USP24: variants seen among roughly 807,000 people sequenced by gnomAD.
The protein encoded by USP24 is ubiquitin carboxyl-terminal hydrolase 24.
Under a neutral mutation model 361.6 loss-of-function variants are expected in USP24, and 97 were observed. The ratio of observed to expected loss-of-function variants is 0.27; its 90% confidence interval spans 0.23 to 0.32. USP24 has a LOEUF of 0.32. Among genes scored for constraint, USP24 ranks in the 10% least tolerant of loss-of-function variants. The probability of loss-of-function intolerance (pLI) is 1.00; values close to 1 mark genes in which losing one functional copy is unlikely to be tolerated. For synonymous variants in USP24, 1,098 were observed against 1,124.6 expected (o/e 0.98, Z 0.47); for missense variants, 2,353 against 3,165.6 (o/e 0.74, Z 6.16).
At chr1:55,073,736 G>A (rs1333245647) in intron 64 of USP24, 92 bp downstream of exon 64, 2 of 1,215,682 alleles carry the variant, frequency 1.6e-6, no homozygotes, top group African/African-American at 1.5e-5. Flanking sequence ...AGATTCTCCA[G>A]GTATCAAAAC....
intron 64 of USP24, 27 bp downstream of exon 64, chr1:55,073,801 C>T: frequency 6.5e-7 from 1 of 1,545,912 alleles, no homozygotes; most frequent in Non-Finnish European, 8.8e-7. Flanking sequence ...ACACCATTTC[C>T]TCCCTGCATT....
rs985868633 is a variant in USP24, at chr1:55,089,800, C to T, written c.6555-60G>A. 16 of 1,165,410 alleles carry T rather than the reference C, an allele frequency of 1.4e-5. No homozygotes were observed. The African/African-American group carries it at 1.8e-4, about 13-fold the overall frequency. 72.2% of individuals were successfully genotyped at this position (1,165,410 alleles called of 1,614,324 possible). On this transcript the variant is annotated intron_variant, in intron 54 of 67. Coordinates refer to ENST00000294383, the MANE Select transcript of USP24 (RefSeq NM_015306.3). ...CATAAGCCCAGCCAATGACCTCATG[C>T]AGTGCACTCTTGTTGGTTCTTATCC...
intron 1 of USP24, among the ~76,000 whole-genome samples, chr1:55,208,747 C>A (rs1049689293): frequency 6.6e-6 from 1 of 151,952 alleles, no homozygotes; most frequent in Non-Finnish European, 1.5e-5. Context: ...ACCAGCCTGG[C>A]CAACATGGTG....
intron 5 of USP24, among the ~76,000 whole-genome samples, chr1:55,166,859 G>A (rs1229473844): frequency 6.6e-6 from 1 of 152,166 alleles, no homozygotes; most frequent in African/African-American, 2.4e-5. Flanking sequence ...GCTGAGATCA[G>A]TTGTTTAAGC....
chr1:55,116,148 C>T (rs1646109436), intron 38 of USP24, among the ~76,000 whole-genome samples: 1 of 151,940 alleles, frequency 6.6e-6, no homozygotes, highest in African/African-American at 2.4e-5. Context: ...GCACGTGTAT[C>T]CCAGAACTTA....
At chr1:55,163,245 G>C (rs1557655978) in intron 7 of USP24, among the ~76,000 whole-genome samples, 1 of 151,810 alleles carries the variant, frequency 6.6e-6, no homozygotes, top group African/African-American at 2.4e-5. Flanking sequence ...AAGCAAGTTA[G>C]AAAACTTTTA....
chr1:55,120,887 G>T, intron 37 of USP24, 131 bp from the exon 38 acceptor site: 1 of 1,186,952 alleles, frequency 8.4e-7, no homozygotes, highest in Non-Finnish European at 1.1e-6. Flanking sequence ...AAAGGTATGA[G>T]TGTTTCAGAT....
At chr1:55,073,014 G>C in intron 64 of USP24, 153 bp from the exon 65 acceptor site, 2 of 701,356 alleles carry the variant, frequency 2.9e-6, no homozygotes, top group Middle Eastern at 2.9e-4. Flanking sequence ...TCAAATTCAT[G>C]GAGACAGAAA....
intron 38 of USP24, among the ~76,000 whole-genome samples, chr1:55,115,268 C>T (rs1034830663): frequency 2.0e-5 from 3 of 152,014 alleles, no homozygotes; most frequent in African/African-American, 7.2e-5. Context: ...CCTGTAATCC[C>T]AGCACTTTGG....
At chr1:55,171,380 T>C (rs924410303) in intron 5 of USP24, among the ~76,000 whole-genome samples, 176 bp downstream of exon 5, 3 of 152,202 alleles carry the variant, frequency 2.0e-5, no homozygotes, top group South Asian at 4.1e-4. Context: ...TTAAGAGCTA[T>C]GGAAAAATTA....
At position 55,144,171 on chromosome 1, in the gene USP24, C is replaced by T. The variant is rs747969802; in HGVS notation, c.2395G>A (p.Val799Met). 8 of 1,605,440 alleles carry T rather than the reference C, an allele frequency of 5.0e-6. No homozygotes were observed. In the South Asian group the frequency reaches 7.9e-5, roughly 16 times the overall value. ...TTCAATCGATGATCACAAAGATTCA[C>T]ATTTTCAAAAAAAGTTTTAAATAAG... Reference protein sequence around the residue: ...FNLFKTFFENVNLCDHRLKRQ... With the variant: ...FNLFKTFFENMNLCDHRLKRQ... Residue 799 changes from valine to methionine, a missense_variant, in exon 21 of 68, where the codon GTG becomes ATG. Coordinates refer to ENST00000294383, the MANE Select transcript of USP24 (RefSeq NM_015306.3).
chr1:55,071,453 G>A, intron 67 of USP24: 1 of 1,020,644 alleles, frequency 9.8e-7, no homozygotes, highest in Admixed American at 5.3e-5. Flanking sequence ...CACATTTCCA[G>A]GAAGGCTGGT....
At chr1:55,078,452 A>C in intron 61 of USP24, 86 bp downstream of exon 61, 1 of 973,538 alleles carries the variant, frequency 1.0e-6, no homozygotes, top group Non-Finnish European at 1.5e-6. Flanking sequence ...TATGAGAACA[A>C]GCATACTGCC....
chr1:55,149,522 C>G (rs758229189), intron 16 of USP24, among the ~76,000 whole-genome samples: 1 of 152,146 alleles, frequency 6.6e-6, no homozygotes, highest in Non-Finnish European at 1.5e-5. Flanking sequence ...TAAATGTGAG[C>G]AAGTTATTGT....
Position 55,198,612 on chromosome 1 carries a change from T to A in USP24, c.324+16178A>T, listed in dbSNP as rs550037566. On this transcript the variant is annotated intron_variant, in intron 1 of 67. Coordinates refer to ENST00000294383, the MANE Select transcript of USP24 (RefSeq NM_015306.3). ...TTGTGACAACACTAAAACATCTCCATACATGTGTAATGCCTCCGGGGTGGG... is the reference window on the plus strand; with the variant it reads ...TTGTGACAACACTAAAACATCTCCAAACATGTGTAATGCCTCCGGGGTGGG... Among the ~76,000 whole-genome samples, 5 of 152,228 alleles carry A rather than the reference T, an allele frequency of 3.3e-5. No individual in the cohort carries two copies. In the South Asian group the frequency reaches 8.3e-4, roughly 25 times the overall value.
At chr1:55,097,560 G>C in intron 48 of USP24, 38 bp downstream of exon 48, 1 of 1,524,912 alleles carries the variant, frequency 6.6e-7, no homozygotes, top group Non-Finnish European at 8.8e-7. Flanking sequence ...GTGAGGAAAT[G>C]AATGGTTGTG....
chr1:55,177,967 C>G lies in USP24; in HGVS notation c.490G>C (p.Gly164Arg). ...TGTGTTCTAAGGTCTGAAAACTTAC[C>G]AAGTCTTGCTAGGTAGGTAGATGCC... The part of the protein sequence containing the change: ...LLASTYLARL[G>R]LSESDENCRR... Residue 164 changes from glycine (G) to arginine (R), a missense_variant and splice_region_variant, in exon 2 of 68, where the codon GGT (glycine) becomes CGT (arginine). Physicochemically the swap from Gly to Arg is moderately radical, Grantham distance 125. Transcript: ENST00000294383. 1.3e-6 allele frequency: 2 copies of G among 1,550,498 alleles called. No homozygotes were observed. Among genetic ancestry groups the G allele is most frequent in the Non-Finnish European group, 1.7e-6 (2 of 1,146,636 alleles).
At position 55,147,063 on chromosome 1, in the gene USP24, G is replaced by A. The variant is rs749114812; in HGVS notation, c.2119-3C>T. The A allele has an allele frequency of 1.9e-6, 3 of 1,553,850 alleles. No homozygotes were observed. Among genetic ancestry groups the A allele is most frequent in the Non-Finnish European group, 2.6e-6 (3 of 1,154,958 alleles). ...AATTTTAGATGTGCCTCTAAATACT[G>A]CAAAAAGAAATAATGCTAATTAGTT... On this transcript the variant is annotated splice_polypyrimidine_tract_variant and splice_region_variant and intron_variant, in intron 18 of 67. Coordinates refer to ENST00000294383, the MANE Select transcript of USP24 (RefSeq NM_015306.3).
intron 8 of USP24, among the ~76,000 whole-genome samples, chr1:55,160,252 T>C (rs1648133448): frequency 6.6e-6 from 1 of 152,220 alleles, no homozygotes; most frequent in Non-Finnish European, 1.5e-5. Flanking sequence ...ACTTAGCTGA[T>C]GAAGAAAGAG....
Sources: allele counts gnomAD v4.1 joint callset (sites outside exome capture counted in the v4.1 genomes callset), GRCh38; gene constraint gnomAD v4.1.1; transcripts MANE v1.5; gene names NCBI Gene and HGNC (gene_info 2026-07-23, HGNC 2026-07-21).